Variants in GPC5 observed in about 807,000 individuals in gnomAD.
The protein encoded by GPC5 is glypican 5.
GPC5 carries 47 observed loss-of-function variants against 53.9 expected under a neutral mutation model. That is an observed-to-expected ratio of 0.87 (90% CI 0.69 to 1.11). The LOEUF (loss-of-function observed/expected upper bound fraction) is 1.11, where lower values mean the gene tolerates loss of function less well. Among genes scored for constraint, GPC5 ranks in the 50% most tolerant of loss-of-function variants. The pLI is 0.00. For missense variants in GPC5, 748 were observed against 713.1 expected, an observed-to-expected ratio of 1.05 and a Z score of -0.56; for synonymous variants, 286 against 263.3, an observed-to-expected ratio of 1.09 and a Z score of -0.84.
intron 7 of GPC5, among the ~76,000 whole-genome samples, chr13:92,235,923 TG>T (rs1365608068): frequency 2.0e-5 from 3 of 152,018 alleles, no homozygotes; most frequent in Admixed American, 1.3e-4. Context: ...TTGGCACTGG[TG>T]TAAAAAAAAA....
At chr13:91,718,443 G>GC (rs1291614093) in intron 3 of GPC5, among the ~76,000 whole-genome samples, 8 of 148,572 alleles carry the variant, frequency 5.4e-5, no homozygotes, top group Non-Finnish European at 1.0e-4. Context: ...CTTCCCAGTG[G>GC]CTTTTTTTTC....
intron 7 of GPC5, among the ~76,000 whole-genome samples, chr13:92,506,989 C>T (rs971372150): frequency 2.0e-5 from 3 of 152,196 alleles, no homozygotes; most frequent in Admixed American, 2.0e-4. Context: ...TCTGCTACTT[C>T]CTTGGCCCCC....
intron 7 of GPC5, among the ~76,000 whole-genome samples, chr13:92,551,769 C>A (rs1001690803): frequency 6.6e-6 from 1 of 151,328 alleles, no homozygotes; most frequent in African/African-American, 2.4e-5. Flanking sequence ...GTGAGAAGAA[C>A]AAACAAACAG....
At chr13:91,511,401 G>A (rs970485277) in intron 2 of GPC5, among the ~76,000 whole-genome samples, 2 of 151,952 alleles carry the variant, frequency 1.3e-5, no homozygotes, top group Admixed American at 6.6e-5. Context: ...GGCTCTCTGG[G>A]TTGATACATT....
chr13:92,095,056 A>T (rs1326802220), intron 6 of GPC5, among the ~76,000 whole-genome samples: 1 of 152,158 alleles, frequency 6.6e-6, no homozygotes, highest in Non-Finnish European at 1.5e-5. Context: ...AACATTTCTT[A>T]AAAATGAGAT....
intron 7 of GPC5, among the ~76,000 whole-genome samples, chr13:92,715,731 T>C (rs1007040016): frequency 2.6e-5 from 4 of 152,154 alleles, no homozygotes; most frequent in Non-Finnish European, 5.9e-5. Context: ...AATACAGATA[T>C]CCTGAAACAG....
chr13:92,568,761 A>G (rs1193881883), intron 7 of GPC5, among the ~76,000 whole-genome samples: 2 of 152,142 alleles, frequency 1.3e-5, no homozygotes, highest in Non-Finnish European at 2.9e-5. Context: ...CAATGTTATT[A>G]TTAATCCCAC....
chr13:92,279,271 G>A (rs530294124), intron 7 of GPC5, among the ~76,000 whole-genome samples: 29 of 151,802 alleles, frequency 1.9e-4, no homozygotes, highest in South Asian at 1.0e-3. Context: ...TATTGTTTCC[G>A]CTTTGGATGC....
chr13:92,088,196 A>T (rs1295246981), intron 6 of GPC5, among the ~76,000 whole-genome samples: 1 of 151,976 alleles, frequency 6.6e-6, no homozygotes, highest in South Asian at 2.1e-4. Context: ...TATCCTAACT[A>T]CTCTACCGAA....
chr13:91,934,965 A>G (rs1165919367), intron 6 of GPC5, among the ~76,000 whole-genome samples: 1 of 152,000 alleles, frequency 6.6e-6, no homozygotes, highest in Non-Finnish European at 1.5e-5. Flanking sequence ...TATCCAAAAT[A>G]AAAATTTACA....
intron 3 of GPC5, among the ~76,000 whole-genome samples, chr13:91,699,300 C>A (rs1315301647): frequency 6.6e-6 from 1 of 152,094 alleles, no homozygotes; most frequent in East Asian, 1.9e-4. Context: ...CATTCATGTT[C>A]ATATTTGGAC....
chr13:92,832,665 C>A (rs1878086493), intron 7 of GPC5, among the ~76,000 whole-genome samples: 1 of 152,048 alleles, frequency 6.6e-6, no homozygotes, highest in African/African-American at 2.4e-5. Flanking sequence ...TCATTTACTC[C>A]AACCCAAATT....
intron 7 of GPC5, among the ~76,000 whole-genome samples, chr13:92,796,606 C>T (rs1213352559): frequency 1.3e-5 from 2 of 151,838 alleles, no homozygotes; most frequent in Non-Finnish European, 2.9e-5. Context: ...TTCTCTAGTG[C>T]TAGAATAGAA....
intron 7 of GPC5, among the ~76,000 whole-genome samples, chr13:92,657,681 G>C (rs189434315): frequency 1.4e-5 from 2 of 144,962 alleles, no homozygotes; most frequent in Non-Finnish European, 3.0e-5. Flanking sequence ...CCTTTCAGTA[G>C]CATCAACATT....
chr13:92,613,674 T>C (rs1244169081), intron 7 of GPC5, among the ~76,000 whole-genome samples: 1 of 138,336 alleles, frequency 7.2e-6, no homozygotes, highest in Non-Finnish European at 1.5e-5. Flanking sequence ...TTTTATTATA[T>C]ATATTTTATA....
chr13:91,870,347 C>T (rs573690635), intron 5 of GPC5, among the ~76,000 whole-genome samples: 177 of 152,200 alleles, frequency 1.2e-3, no homozygotes, highest in Non-Finnish European at 2.0e-3. Flanking sequence ...ATTTATCACT[C>T]CTGAGGGTTG....
intron 7 of GPC5, among the ~76,000 whole-genome samples, chr13:92,271,602 T>C (rs1022709443): frequency 4.6e-5 from 7 of 152,202 alleles, no homozygotes; most frequent in East Asian, 1.9e-4. Context: ...ATCCTCTAAA[T>C]ATATTAATAG....
At position 92,367,972 on chromosome 13, in the gene GPC5, T is replaced by C. The variant is rs1381809419; in HGVS notation, c.1561+222983T>C. ...TTCAAATTACTGAAGTACAGACTTTTGTGTCTGTGTGTGTGGCGGGGGCAG... is the reference window on the plus strand; with the variant it reads ...TTCAAATTACTGAAGTACAGACTTTCGTGTCTGTGTGTGTGGCGGGGGCAG... On this transcript the variant is annotated intron_variant, in intron 7 of 7. Transcript: ENST00000377067. Among the ~76,000 whole-genome samples the C allele has an allele frequency of 2.6e-5, 4 of 152,100 alleles. No homozygotes were observed. In the East Asian group the frequency reaches 5.8e-4, roughly 22 times the overall value.
intron 7 of GPC5, among the ~76,000 whole-genome samples, chr13:92,827,673 T>C (rs1877899084): frequency 6.6e-6 from 1 of 152,086 alleles, no homozygotes; most frequent in Non-Finnish European, 1.5e-5. Flanking sequence ...TGCATCATCT[T>C]TTTACTTTTC....
Sources: gnomAD v4.1 joint callset for allele counts (sites outside exome capture counted in the v4.1 genomes callset) on GRCh38, gnomAD v4.1.1 for gene constraint, MANE v1.5 for transcripts, NCBI Gene and HGNC (gene_info 2026-07-23, HGNC 2026-07-21) for gene names.